The following RSL1D1 variants were observed in gnomAD, a reference collection of about 807,000 sequenced individuals.
RSL1D1 encodes ribosomal L1 domain containing 1.
RSL1D1 carries 34 observed loss-of-function variants against 44.6 expected under a neutral mutation model. The observed-to-expected ratio is 0.76, with a 90% CI of 0.58 to 1.02. RSL1D1 has a LOEUF of 1.02. Ranked by LOEUF, RSL1D1 falls within the 50% of genes least tolerant of loss-of-function variation. The pLI, the probability that RSL1D1 is intolerant of heterozygous loss-of-function variation, is 0.00. For missense variants in RSL1D1, 767 were observed against 568.1 expected (o/e 1.35, Z -3.56); for synonymous variants, 271 against 207.4 (o/e 1.31, Z -2.63).
intron 3 of RSL1D1, 136 bp from the exon 4 acceptor site, chr16:11,846,979 G>A (rs545469190): frequency 1.3e-6 from 1 of 741,476 alleles, no homozygotes. Flanking sequence ...ACACTTGAGG[G>A]CCTAAAATGT....
Position 11,837,921 on chromosome 16 carries a change from C to G in RSL1D1, c.1339G>C (p.Gly447Arg). The G allele has an allele frequency of 6.2e-7, 1 of 1,613,894 alleles. No individual in the cohort carries two copies. The highest frequency in any genetic ancestry group is 1.3e-5 in the African/African-American group (1 of 74,942). The change falls in exon 9 of 9, where the codon GGG (glycine) becomes CGG (arginine). Residue 447 changes from glycine (G) to arginine (R), a missense_variant. Gly to Arg is a moderately radical substitution (Grantham distance 125, BLOSUM62 -2). Transcript: ENST00000571133. ...GGAGTCTGTCTCGCATCTTTTTTCC[C>G]CAGCGAAGGACTTTTTTCCTTCACT... ...EAVKEKSPSL[G>R]KKDARQTPKK...
At chr16:11,846,971 A>G (rs2053803597) in intron 3 of RSL1D1, 128 bp from the exon 4 acceptor site, 5 of 803,046 alleles carry the variant, frequency 6.2e-6, no homozygotes, top group Admixed American at 2.4e-5. Context: ...TTTAATGAAC[A>G]CTTGAGGGCC....
At chr16:11,838,164 ACT>A (rs766611866) in intron 8 of RSL1D1, 51 bp from the exon 9 acceptor site, 4 of 1,356,184 alleles carry the variant, frequency 2.9e-6, no homozygotes, top group Non-Finnish European at 4.0e-6. Context: ...AAAACCTGAC[ACT>A]CTAACTCCAG....
At chr16:11,842,402 T>G (rs1388244455) in intron 5 of RSL1D1, among the ~76,000 whole-genome samples, 1 of 152,212 alleles carries the variant, frequency 6.6e-6, no homozygotes, top group Non-Finnish European at 1.5e-5. Context: ...TATATTTTAT[T>G]TCATTTTTGA....
In RSL1D1 at chr16:11,846,578, CAGA is replaced by C. The variant is rs745628456; in HGVS notation, c.555_557del (p.Leu186del). On this transcript the variant is annotated inframe_deletion, in exon 5 of 9. Transcript: ENST00000571133. ...TGATCTCTCTTGATAAATTCTTGGA[CAGA>C]AGGTTTACAGATACTGGAACTCTAC... is the stretch of plus-strand genomic sequence containing the variant. 5 of 1,609,500 alleles carry C rather than the reference CAGA, an allele frequency of 3.1e-6. No individual in the cohort carries two copies. The highest frequency in any genetic ancestry group is 2.2e-5 in the East Asian group (1 of 44,848).
chr16:11,846,377 AGAGT>A (rs1190279283), intron 5 of RSL1D1, 120 bp downstream of exon 5: 2 of 568,710 alleles, frequency 3.5e-6, no homozygotes, highest in Non-Finnish European at 6.0e-6. Flanking sequence ...CCTGGCAGAC[AGAGT>A]AAGACTCCAT....
In RSL1D1 at chr16:11,850,320, C is replaced by T. The variant is rs11554653; in HGVS notation, c.204G>A (p.Val68=). The part of the protein sequence containing the change: ...LNENESLFLM[V]VLWKIPSKEL... ...CTTTACTTGGAATTTTCCATAATAC[C>T]ACCATTAAAAATAAACTTTCATTCT... Residue 68 remains valine (V), a synonymous_variant, in exon 2 of 9, where the codon GTG becomes GTA. Coordinates refer to ENST00000571133, the MANE Select transcript of RSL1D1 (RefSeq NM_015659.3). 3,459 of 1,591,728 alleles carry T rather than the reference C, an allele frequency of 2.2e-3. 12 individuals are homozygous for T. Among genetic ancestry groups the T allele is most frequent in the Non-Finnish European group, 2.5e-3 (2,888 of 1,174,586 alleles).
chr16:11,838,029 G>A lies in RSL1D1; in HGVS notation c.1231C>T (p.Pro411Ser). ...GCAGCTTTTGGGGTCTCAGATGCTG[G>A]CAAAGCCTTTCTTTTCTTCCCACGA... is the stretch of plus-strand genomic sequence containing the variant. ...TPRGKKRKAL[P>S]ASETPKAAES... Residue 411 changes from proline to serine, a missense_variant, in exon 9 of 9, where the codon CCA (proline) becomes TCA (serine). Pro to Ser is a moderately conservative substitution (Grantham distance 74). Coordinates refer to ENST00000571133, the MANE Select transcript of RSL1D1 (RefSeq NM_015659.3). 1 of 1,613,840 alleles carries A rather than the reference G, an allele frequency of 6.2e-7. No homozygotes were observed. The highest frequency in any genetic ancestry group is 8.5e-7 in the Non-Finnish European group (1 of 1,179,988).
intron 7 of RSL1D1, among the ~76,000 whole-genome samples, chr16:11,840,547 G>A (rs1159854974): frequency 1.3e-5 from 2 of 152,138 alleles, no homozygotes; most frequent in African/African-American, 4.8e-5. Flanking sequence ...CAGCCTGGGC[G>A]ACAGAGTGAA....
chr16:11,839,678 A>T lies in RSL1D1; in HGVS notation c.1146+17T>A. 1 of 1,613,020 alleles carries T rather than the reference A, an allele frequency of 6.2e-7. No individual in the cohort carries two copies. The highest frequency in any genetic ancestry group is 8.5e-7 in the Non-Finnish European group (1 of 1,179,622). On this transcript the variant is annotated intron_variant, in intron 8 of 8. Transcript: ENST00000571133. ...ACTGAACCAATCCATTATGAACAGT[A>T]AATATTAAAACAATACCTCTACTTT...
chr16:11,844,242 T>C (rs900851898), intron 5 of RSL1D1, among the ~76,000 whole-genome samples: 4 of 152,204 alleles, frequency 2.6e-5, no homozygotes. Flanking sequence ...AAATAAATTC[T>C]TTTGCTGGGG....
rs766131572 is a variant in RSL1D1 at position 11,839,817 on chromosome 16, C to G, written c.1024G>C (p.Glu342Gln). The stretch of plus-strand genomic sequence containing the variant: ...CTGCCACGTTTTTTCTTCCCATGCT[C>G]TGGGGTCTGTTCCTTCTTTGATTCA... ...KPESKKEQTP[E>Q]HGKKKRGRGK... The change falls in exon 8 of 9, where the codon GAG becomes CAG. Residue 342 changes from glutamate to glutamine, a missense_variant. Coordinates refer to ENST00000571133, the MANE Select transcript of RSL1D1 (RefSeq NM_015659.3). 36 of 1,614,144 alleles carry G rather than the reference C, an allele frequency of 2.2e-5. No individual in the cohort carries two copies. Among genetic ancestry groups the G allele is most frequent in the East Asian group, 4.5e-5 (2 of 44,882 alleles).
In RSL1D1 at chr16:11,842,014, T is replaced by C. The variant is rs749154543; in HGVS notation, c.636-14A>G. The C allele has an allele frequency of 1.3e-5, 21 of 1,578,394 alleles. No individual in the cohort carries two copies. The highest frequency in any genetic ancestry group is 8.9e-5 in the East Asian group (4 of 44,706). On this transcript the variant is annotated splice_polypyrimidine_tract_variant and intron_variant, in intron 5 of 8. Coordinates refer to ENST00000571133, the MANE Select transcript of RSL1D1 (RefSeq NM_015659.3). ...ATACGTATAGCACTGAAATTTAATA[T>C]AGTATTAGACAAGATTTTAAAAAAC...
At position 11,838,045 on chromosome 16, in the gene RSL1D1, C is replaced by T. The variant is rs747326256; in HGVS notation, c.1215G>A (p.Lys405=). The T allele has an allele frequency of 6.2e-7, 1 of 1,613,760 alleles. No individual in the cohort carries two copies. The highest frequency in any genetic ancestry group is 8.5e-7 in the Non-Finnish European group (1 of 1,179,962). The part of the protein sequence containing the change: ...KSPNPSTPRG[K]KRKALPASET... ...CAGATGCTGGCAAAGCCTTTCTTTTCTTCCCACGAGGTGTGCTGGGATTAG... is the reference window on the plus strand; with the variant it reads ...CAGATGCTGGCAAAGCCTTTCTTTTTTTCCCACGAGGTGTGCTGGGATTAG... Residue 405 remains lysine (K), a synonymous_variant, in exon 9 of 9, where the codon AAG becomes AAA. Transcript: ENST00000571133.
rs2053721290 is a variant in RSL1D1 at position 11,836,616 on chromosome 16, A to G, written c.*1171T>C. The stretch of plus-strand genomic sequence containing the variant: ...GGACTGAGGAATAAGGAGGAAGAGG[A>G]TAAGGCTTATGGAAGATAAATCATG... On this transcript the variant is annotated 3_prime_UTR_variant, in exon 9 of 9. Transcript: ENST00000571133. 1 of 152,244 alleles carries G rather than the reference A, an allele frequency of 6.6e-6. No homozygotes were observed. Among genetic ancestry groups the G allele is most frequent in the African/African-American group, 2.4e-5 (1 of 41,466 alleles). 9.4% of individuals were successfully genotyped at this position (152,244 alleles called of 1,614,324 possible). A position where few individuals can be genotyped will look rare whatever the true frequency, so the allele number is the denominator to read the frequency against.
rs771176792 is a variant in RSL1D1 at position 11,837,602 on chromosome 16, G to A, written c.*185C>T. On this transcript the variant is annotated 3_prime_UTR_variant, in exon 9 of 9. Coordinates refer to ENST00000571133, the MANE Select transcript of RSL1D1 (RefSeq NM_015659.3). ...GTTGACCTTGTGATCCGCCTGCCTC[G>A]GCCTCCCAAAGTGCTGGGATTACAG... is the stretch of plus-strand genomic sequence containing the variant. 484 of 547,338 alleles carry A rather than the reference G, an allele frequency of 8.8e-4. 2 individuals carry two copies. Among genetic ancestry groups the A allele is most frequent in the Non-Finnish European group, 1.0e-3 (318 of 308,900 alleles). 33.9% of individuals were successfully genotyped at this position (547,338 alleles called of 1,614,324 possible).
rs189866794 is a variant in RSL1D1, at chr16:11,840,043, G to A, written c.856-58C>T. On this transcript the variant is annotated intron_variant, in intron 7 of 8. Transcript: ENST00000571133. ...GGAACAGTTCTGTTGGTTAACAAAC[G>A]GCATAGATGTACCACGTGCAGTTTT... The A allele has an allele frequency of 2.2e-5, 35 of 1,575,724 alleles. No homozygotes were observed. The Admixed American group carries it at 4.3e-4, about 19-fold the overall frequency.
Position 11,846,810 on chromosome 16 carries a change from T to C in RSL1D1, c.418A>G (p.Lys140Glu), listed in dbSNP as rs1182064472. The C allele has an allele frequency of 6.2e-7, 1 of 1,612,028 alleles. No individual in the cohort carries two copies. The highest frequency in any genetic ancestry group is 8.5e-7 in the Non-Finnish European group (1 of 1,178,272). The change falls in exon 4 of 9, where the codon AAA becomes GAA. Residue 140 changes from lysine to glutamate, a missense_variant. Lys to Glu is a moderately conservative substitution (Grantham distance 56, BLOSUM62 1). Coordinates refer to ENST00000571133, the MANE Select transcript of RSL1D1 (RefSeq NM_015659.3). ...AGGCGGAGCTTGGCTTCATAGGATT[T>C]ATATTCCTTCTTTAGAGTTTGGAGG... The part of the protein sequence containing the change: ...ISLQTLKKEY[K>E]SYEAKLRLLS...
At position 11,847,661 on chromosome 16, in the gene RSL1D1, T is replaced by A. The variant is rs71383294; in HGVS notation, c.384+7A>T. 6,758 of 1,604,056 alleles carry A rather than the reference T, an allele frequency of 4.2e-3. 26 individuals carry two copies. The highest frequency in any genetic ancestry group is 9.6e-3 in the South Asian group (864 of 89,562). On this transcript the variant is annotated splice_region_variant and intron_variant, in intron 3 of 8. Coordinates refer to ENST00000571133, the MANE Select transcript of RSL1D1 (RefSeq NM_015659.3). ...AATAACTTGAAAATATTAACCAGGC[T>A]TCCTACCTGAGAAACGGTTTTAATT...
Sources: gnomAD v4.1 joint callset for allele counts (sites outside exome capture counted in the v4.1 genomes callset) on GRCh38, gnomAD v4.1.1 for gene constraint, MANE v1.5 for transcripts, NCBI Gene and HGNC (gene_info 2026-07-23, HGNC 2026-07-21) for gene names.